Variants in PIP5K1B observed in about 807,000 individuals in gnomAD.
PIP5K1B encodes phosphatidylinositol-4-phosphate 5-kinase type 1 beta.
Under a neutral mutation model 67.0 loss-of-function variants are expected in PIP5K1B, and 42 were observed. The observed-to-expected ratio is 0.63, with a 90% confidence interval of 0.49 to 0.81. The LOEUF (loss-of-function observed/expected upper bound fraction) is 0.81, where lower values mean the gene tolerates loss of function less well. Ranked by LOEUF, PIP5K1B falls within the 30% of genes least tolerant of loss-of-function variation. The pLI, the probability that PIP5K1B is intolerant of heterozygous loss-of-function variation, is 0.00. For synonymous variants in PIP5K1B, 214 were observed against 231.4 expected (o/e 0.92, Z 0.68); for missense variants, 459 against 646.3 (o/e 0.71, Z 3.14).
intron 6 of PIP5K1B, among the ~76,000 whole-genome samples, chr9:68,884,060 C>T (rs1824332561): frequency 6.6e-6 from 1 of 152,138 alleles, no homozygotes; most frequent in African/African-American, 2.4e-5. Flanking sequence ...TAGAAGAACA[C>T]ATAGGGGAAA....
intron 1 of PIP5K1B, among the ~76,000 whole-genome samples, chr9:68,738,759 C>G (rs902824103): frequency 6.6e-6 from 1 of 152,184 alleles, no homozygotes; most frequent in African/African-American, 2.4e-5. Flanking sequence ...TGAGAAGGGG[C>G]CCCTTTTCTT....
intron 6 of PIP5K1B, among the ~76,000 whole-genome samples, chr9:68,886,722 T>A (rs900349887): frequency 6.6e-6 from 1 of 152,190 alleles, no homozygotes; most frequent in Admixed American, 6.5e-5. Flanking sequence ...GTGGCAACAG[T>A]CTATGAATTA....
rs1554702144 is a variant in PIP5K1B, at chr9:68,705,612, C to CCCCCTCCGCCCTCCCG, written c.-385_-370dup. On this transcript the variant is annotated 5_prime_UTR_variant, in exon 1 of 16. Coordinates refer to ENST00000265382, the MANE Select transcript of PIP5K1B (RefSeq NM_003558.4). Reference sequence around the variant, plus strand: ...CCCCCGGCCCCGGCCCCGCCCGCCGCCCCCTCCGCCCTCCCGCCCCTCCCG... The same window carrying CCCCCTCCGCCCTCCCG: ...CCCCCGGCCCCGGCCCCGCCCGCCGCCCCCTCCGCCCTCCCGCCCCTCCGCCCTCCCGCCCCTCCCG... 31 of 144,272 alleles carry CCCCCTCCGCCCTCCCG rather than the reference C, an allele frequency of 2.1e-4. No homozygotes were observed. The South Asian group carries it at 5.5e-3, about 26-fold the overall frequency. The allele number at this position is 144,272 out of a possible 1,614,324, so 8.9% of individuals were successfully genotyped here.
At chr9:69,005,587 G>C (rs1831040028) in intron 15 of PIP5K1B, among the ~76,000 whole-genome samples, 1 of 151,930 alleles carries the variant, frequency 6.6e-6, no homozygotes, top group African/African-American at 2.4e-5. Context: ...TGTTGGTCAG[G>C]CTGGTCTCGA....
intron 5 of PIP5K1B, among the ~76,000 whole-genome samples, chr9:68,873,709 G>T (rs569804722): frequency 5.9e-5 from 9 of 152,022 alleles, no homozygotes; most frequent in African/African-American, 2.2e-4. Context: ...TGTGTTAGGG[G>T]CTCCCTGCAT....
intron 14 of PIP5K1B, chr9:68,963,363 C>T (rs969201449): frequency 3.0e-5 from 11 of 368,790 alleles, no homozygotes; most frequent in South Asian, 8.3e-5. Context: ...ATTAGCTGGG[C>T]GTGGTGGTGC....
intron 4 of PIP5K1B, among the ~76,000 whole-genome samples, chr9:68,838,976 G>A (rs1294792899): frequency 6.6e-6 from 1 of 152,062 alleles, no homozygotes; most frequent in Non-Finnish European, 1.5e-5. Context: ...CTTATAGTTT[G>A]GAGAATGTCT....
chr9:68,874,838 G>A (rs1009419444), intron 5 of PIP5K1B, among the ~76,000 whole-genome samples: 2 of 152,164 alleles, frequency 1.3e-5, no homozygotes, highest in Admixed American at 1.3e-4. Flanking sequence ...CAGAACCTAA[G>A]GCCTTGTGGT....
At chr9:68,709,332 A>G (rs1049884206) in intron 1 of PIP5K1B, among the ~76,000 whole-genome samples, 1 of 151,914 alleles carries the variant, frequency 6.6e-6, no homozygotes, top group Non-Finnish European at 1.5e-5. Context: ...CCCCAGGCTC[A>G]GGTAATCCTC....
intron 13 of PIP5K1B, 90 bp downstream of exon 13, chr9:68,935,135 G>T (rs1422426251): frequency 9.6e-7 from 1 of 1,043,976 alleles, no homozygotes; most frequent in African/African-American, 1.6e-5. Context: ...AAAAATACCT[G>T]CTCTAAGAAA....
intron 2 of PIP5K1B, among the ~76,000 whole-genome samples, chr9:68,817,737 T>TA (rs1375192212): frequency 1.4e-5 from 2 of 146,138 alleles, no homozygotes; most frequent in East Asian, 2.1e-4. Context: ...TTTTTTTTTT[T>TA]AAGAGACAGA....
At chr9:68,983,644 A>G (rs1829981846) in intron 14 of PIP5K1B, among the ~76,000 whole-genome samples, 1 of 152,086 alleles carries the variant, frequency 6.6e-6, no homozygotes, top group African/African-American at 2.4e-5. Context: ...CTCAATAACT[A>G]TTTGCAGCTG....
intron 14 of PIP5K1B, among the ~76,000 whole-genome samples, chr9:68,967,372 A>G (rs139005262): frequency 6.6e-6 from 1 of 152,336 alleles, no homozygotes; most frequent in East Asian, 1.9e-4. Flanking sequence ...ACAGAACTCC[A>G]TCAGGCTGGG....
intron 2 of PIP5K1B, among the ~76,000 whole-genome samples, chr9:68,797,495 A>G (rs1354352997): frequency 6.6e-6 from 1 of 152,186 alleles, no homozygotes; most frequent in East Asian, 1.9e-4. Context: ...GTGTTTGCTA[A>G]TTGTTTTTAT....
intron 14 of PIP5K1B, among the ~76,000 whole-genome samples, chr9:68,960,533 A>G (rs1828662788): frequency 6.6e-6 from 1 of 152,002 alleles, no homozygotes; most frequent in Non-Finnish European, 1.5e-5. Context: ...TGAAAATTGA[A>G]GCCGCTAGAC....
intron 15 of PIP5K1B, among the ~76,000 whole-genome samples, chr9:68,998,129 G>C (rs1262860126): frequency 6.8e-6 from 1 of 147,912 alleles, no homozygotes; most frequent in African/African-American, 2.5e-5. Context: ...GAAGTGCAGT[G>C]GTGCAATCTT....
rs1356699759 is a variant in PIP5K1B, at chr9:68,705,644, C to CCGCCCCTCG, written c.-359_-351dup. ...CGCCCTCCCGCCCCTCCCGCCCCTC[C>CCGCCCCTCG]CGCCCCTCGCCTGCACTGCTCTCCC... On this transcript the variant is annotated 5_prime_UTR_variant, in exon 1 of 16. Transcript: ENST00000265382. 26 of 147,472 alleles carry CCGCCCCTCG rather than the reference C, an allele frequency of 1.8e-4. No homozygotes were observed. Among genetic ancestry groups the CCGCCCCTCG allele is most frequent in the Non-Finnish European group, 6.1e-5 (4 of 66,012 alleles). The allele number at this position is 147,472 out of a possible 1,614,324, so 9.1% of individuals were successfully genotyped here.
At chr9:68,753,775 C>T (rs1410040380) in intron 2 of PIP5K1B, among the ~76,000 whole-genome samples, 2 of 152,020 alleles carry the variant, frequency 1.3e-5, no homozygotes, top group East Asian at 1.9e-4. Context: ...CTGCCCGCCT[C>T]GGCCTCGCAA....
intron 2 of PIP5K1B, among the ~76,000 whole-genome samples, chr9:68,753,458 G>C (rs1282800927): frequency 1.4e-5 from 2 of 144,470 alleles, no homozygotes; most frequent in African/African-American, 5.2e-5. Context: ...TCCTGCCGCA[G>C]CCTCCCTAGT....
Sources: allele counts gnomAD v4.1 joint callset (sites outside exome capture counted in the v4.1 genomes callset), GRCh38; gene constraint gnomAD v4.1.1; transcripts MANE v1.5; gene names NCBI Gene and HGNC (gene_info 2026-07-23, HGNC 2026-07-21).